The following BPIFB3 variants were observed in gnomAD, a reference collection of about 807,000 sequenced individuals.
BPIFB3 encodes the protein BPI fold-containing family B member 3.
A neutral mutation model predicts 53.1 loss-of-function variants in BPIFB3; 49 were observed. That is an observed-to-expected ratio of 0.92 (90% CI 0.73 to 1.17). BPIFB3 has a LOEUF of 1.17. Ranked by LOEUF, BPIFB3 falls within the 50% of genes most tolerant of loss-of-function variation. The pLI is 0.00. For synonymous variants in BPIFB3, 271 were observed against 269.6 expected, an observed-to-expected ratio of 1.01 and a Z score of -0.05; for missense variants, 628 against 592.5, an observed-to-expected ratio of 1.06 and a Z score of -0.62.
chr20:33,068,455 A>G (rs1980752186), intron 9 of BPIFB3, among the ~76,000 whole-genome samples: 1 of 152,166 alleles, frequency 6.6e-6, no homozygotes, highest in Admixed American at 6.5e-5. Flanking sequence ...CAGCTGGAGG[A>G]GCAGCCACGT....
chr20:33,057,197 C>T (rs1186463502), intron 2 of BPIFB3, among the ~76,000 whole-genome samples: 1 of 150,934 alleles, frequency 6.6e-6, no homozygotes, highest in Non-Finnish European at 1.5e-5. Context: ...TTTTTTTTCC[C>T]TTTTTTTTTG....
Position 33,059,494 on chromosome 20 carries a change from C to T in BPIFB3, c.386+12C>T, listed in dbSNP as rs773851960. 16 of 1,589,694 alleles carry T rather than the reference C, an allele frequency of 1.0e-5. No homozygotes were observed. In the South Asian group the frequency reaches 1.8e-4, roughly 18 times the overall value. ...ATGCATTGCTCTGGGTGAGTGTGTCCTGGGGACCTCTACCCTCCTGCTTCC... is the reference window on the plus strand; with the variant it reads ...ATGCATTGCTCTGGGTGAGTGTGTCTTGGGGACCTCTACCCTCCTGCTTCC... On this transcript the variant is annotated intron_variant, in intron 3 of 14. Transcript: ENST00000375494.
At chr20:33,054,823 C>A (rs777200925), upstream of BPIFB3, among the ~76,000 whole-genome samples, 25 of 152,218 alleles carry the variant, frequency 1.6e-4, no homozygotes, top group Admixed American at 1.3e-4. Context: ...CATGCCCCCA[C>A]CTGCCACCCC....
chr20:33,069,746 C>T (rs909242298), intron 10 of BPIFB3, 142 bp from the exon 12 acceptor site: 3 of 796,456 alleles, frequency 3.8e-6, no homozygotes, highest in African/African-American at 1.7e-5. Flanking sequence ...CTTCAAATTA[C>T]CTTCTCAGGG....
chr20:33,060,001 C>T (rs149445561), exon 4 of BPIFB3: 309 of 1,614,110 alleles, frequency 1.9e-4, no homozygotes, highest in African/African-American at 1.2e-3. Flanking sequence ...CGCTGCAGCA[C>T]GCTCCTGGGC....
upstream of BPIFB3, among the ~76,000 whole-genome samples, chr20:33,054,938 C>G (rs1200378721): frequency 1.3e-5 from 2 of 152,212 alleles, no homozygotes; most frequent in Admixed American, 6.5e-5. Context: ...CCTTCTGAAA[C>G]AGCCTCATGA....
chr20:33,064,769 C>T (rs1477225481), exon 8 of BPIFB3: 1 of 1,614,126 alleles, frequency 6.2e-7, no homozygotes, highest in South Asian at 1.1e-5. Context: ...GTGATGGTGC[C>T]ACTGTACCTC....
At chr20:33,065,789 C>T (rs1980646817) in intron 8 of BPIFB3, among the ~76,000 whole-genome samples, 1 of 152,126 alleles carries the variant, frequency 6.6e-6, no homozygotes, top group African/African-American at 2.4e-5. Context: ...AGCCTGGGCT[C>T]CCCACCTGTA....
Position 33,063,667 on chromosome 20 carries a change from C to T in BPIFB3, c.644C>T (p.Ala215Val), listed in dbSNP as rs1173366162. The T allele has an allele frequency of 1.9e-6, 3 of 1,613,702 alleles. No homozygotes were observed. Among genetic ancestry groups the T allele is most frequent in the Admixed American group, 1.7e-5 (1 of 59,962 alleles). The stretch of plus-strand genomic sequence containing the variant: ...GGTGTGGTGAATGAGCTCCTGGGGG[C>T]TGTGCTGGGTAAGTCAGGGCTCAAT... The change falls in exon 6 of 15, where the codon GCT (alanine) becomes GTT (valine). Residue 215 changes from alanine (A) to valine (V), a missense_variant. By Grantham distance (64) the Ala-to-Val change is moderately conservative. Transcript: ENST00000375494.
At chr20:33,056,722 C>T (rs754147870) in intron 2 of BPIFB3, 24 bp downstream of exon 3, 4 of 1,531,622 alleles carry the variant, frequency 2.6e-6, no homozygotes, top group Middle Eastern at 1.8e-4. Context: ...GCTGCATGCC[C>T]TACAGGAAGA....
At chr20:33,059,229 G>A in intron 2 of BPIFB3, 149 bp from the exon 4 acceptor site, 1 of 611,428 alleles carries the variant, frequency 1.6e-6, no homozygotes, top group Non-Finnish European at 3.0e-6. Context: ...AGGAAACTAG[G>A]CCCAGAGAGA....
exon 3 of BPIFB3, chr20:33,059,441 G>A (rs758608417): frequency 1.7e-5 from 28 of 1,612,796 alleles, no homozygotes; most frequent in Non-Finnish European, 9.3e-6. Flanking sequence ...GATTTGGGGT[G>A]CAGCTGAGCC....
intron 6 of BPIFB3, among the ~76,000 whole-genome samples, chr20:33,064,170 A>G (rs948792619): frequency 6.6e-6 from 1 of 152,204 alleles, no homozygotes; most frequent in Non-Finnish European, 1.5e-5. Flanking sequence ...GTATGTCTCT[A>G]TGGGTGGTGT....
chr20:33,059,323 C>T (rs1980343216), intron 2 of BPIFB3, 55 bp from the exon 4 acceptor site: 7 of 1,405,210 alleles, frequency 5.0e-6, no homozygotes, highest in Admixed American at 1.9e-5. Context: ...CTCTGGGCGC[C>T]GCCTGGGCTG....
intron 5 of BPIFB3, among the ~76,000 whole-genome samples, chr20:33,062,528 C>A (rs1980501212): frequency 1.3e-5 from 2 of 152,156 alleles, no homozygotes; most frequent in Admixed American, 1.3e-4. Flanking sequence ...GGAGGAGGGG[C>A]CCCTAAGCAA....
At position 33,063,239 on chromosome 20, in the gene BPIFB3, T is replaced by C. The variant is rs114871165; in HGVS notation, c.592-376T>C. Among the ~76,000 whole-genome samples, 963 of 152,258 alleles carry C rather than the reference T, an allele frequency of 6.3e-3. 9 individuals are homozygous for C. Among genetic ancestry groups the C allele is most frequent in the African/African-American group, 0.022 (895 of 41,534 alleles). ...GATCCTAGGCTTCCCAGTGCCCACG[T>C]AGAATGGCAGGGGATGGCCTGTGAC... On this transcript the variant is annotated intron_variant, in intron 5 of 14. Transcript: ENST00000375494.
At chr20:33,065,651 A>G (rs1980642058) in intron 8 of BPIFB3, among the ~76,000 whole-genome samples, 2 of 152,200 alleles carry the variant, frequency 1.3e-5, no homozygotes, top group Admixed American at 1.3e-4. Flanking sequence ...TTGTACCAAG[A>G]GTTACCCAAA....
rs141651092 is a variant in BPIFB3 at position 33,064,835 on chromosome 20, C to A, written c.914C>A (p.Thr305Asn). The A allele has an allele frequency of 6.0e-5, 97 of 1,612,386 alleles. 1 individual carries two copies. Among genetic ancestry groups the A allele is most frequent in the South Asian group, 3.3e-5 (3 of 91,050 alleles). Reference sequence around the variant, plus strand: ...AACGGCGCCCTCGACATGGACATCACCCCTGAGCTGGTGAGTGTGGTGCCC... The same window carrying A: ...AACGGCGCCCTCGACATGGACATCAACCCTGAGCTGGTGAGTGTGGTGCCC... Residue 305 changes from threonine to asparagine, a missense_variant, in exon 8 of 15, where the codon ACC (threonine) becomes AAC (asparagine). By Grantham distance (65) the Thr-to-Asn change is moderately conservative (BLOSUM62 0). Transcript: ENST00000375494.
chr20:33,071,410 A>T, intron 12 of BPIFB3, 115 bp downstream of exon 13: 1 of 1,217,288 alleles, frequency 8.2e-7, no homozygotes, highest in South Asian at 1.5e-5. Context: ...CAGGACTGGG[A>T]TCCTCCCCAA....
Sources: gnomAD v4.1 joint callset for allele counts (sites outside exome capture counted in the v4.1 genomes callset) on GRCh38, gnomAD v4.1.1 for gene constraint, MANE v1.5 for transcripts, NCBI Gene and HGNC (gene_info 2026-07-23, HGNC 2026-07-21) for gene names.